ASIC2: variants seen among roughly 807,000 people sequenced by gnomAD.
ASIC2 encodes the protein acid sensing ion channel subunit 2, also known as acid-sensing ion channel 2.
Under a neutral mutation model 57.3 loss-of-function variants are expected in ASIC2, and 25 were observed. The observed-to-expected ratio is 0.44, with a 90% CI of 0.32 to 0.61. The LOEUF (loss-of-function observed/expected upper bound fraction) is 0.61. Ranked by LOEUF, ASIC2 falls within the 20% of genes least tolerant of loss-of-function variation. ASIC2 has a pLI of 0.06. For synonymous variants in ASIC2, 319 were observed against 307.5 expected, an observed-to-expected ratio of 1.04 and a Z score of -0.39; for missense variants, 641 against 738.1, an observed-to-expected ratio of 0.87 and a Z score of 1.52.
intron 3 of ASIC2, among the ~76,000 whole-genome samples, chr17:33,073,966 A>G (rs887979720): frequency 6.6e-6 from 1 of 152,116 alleles, no homozygotes; most frequent in Non-Finnish European, 1.5e-5. Context: ...AGAGAGAACA[A>G]CAGAGAGAAT....
chr17:34,136,895 A>G (rs536792285), intron 1 of ASIC2, among the ~76,000 whole-genome samples: 1 of 152,268 alleles, frequency 6.6e-6, no homozygotes, highest in South Asian at 2.1e-4. Flanking sequence ...TTGTCTCCCA[A>G]GCCCACATTT....
At chr17:34,040,086 T>TC (rs971154180) in intron 1 of ASIC2, among the ~76,000 whole-genome samples, 4 of 138,326 alleles carry the variant, frequency 2.9e-5, no homozygotes, top group Admixed American at 1.4e-4. Context: ...AGGCCGCAGA[T>TC]CCCCGGGCTC....
intron 1 of ASIC2, among the ~76,000 whole-genome samples, chr17:33,330,028 CT>C (rs1184437671): frequency 6.6e-6 from 1 of 152,172 alleles, no homozygotes; most frequent in Non-Finnish European, 1.5e-5. Context: ...CTCATCATGG[CT>C]CTGTATCTGG....
intron 1 of ASIC2, among the ~76,000 whole-genome samples, chr17:33,570,752 C>G (rs1283084896): frequency 1.3e-5 from 2 of 152,160 alleles, no homozygotes; most frequent in Non-Finnish European, 2.9e-5. Flanking sequence ...CCTGGATAGC[C>G]TTGCCCACGT....
Position 33,014,055 on chromosome 17 carries a change from G to C in ASIC2, c.1602C>G (p.Asp534Glu). 1 of 1,599,160 alleles carries C rather than the reference G, an allele frequency of 6.3e-7. No homozygotes were observed. The highest frequency in any genetic ancestry group is 8.5e-7 in the Non-Finnish European group (1 of 1,172,168). Residue 534 changes from aspartate (D) to glutamate (E), a missense_variant, in exon 10 of 10, where the codon GAC becomes GAG. This residue lies in a region of ASIC2 where 252 missense variants were observed against 319.8 expected (regional missense o/e 0.79). Coordinates refer to ENST00000225823, the MANE Select transcript of ASIC2 (RefSeq NM_183377.2). ...TGGTTTCAGAGTGGTTTGGCATTGTGTCACAAGTACTCTGGAAGGGAAGGG... is the reference window on the plus strand; with the variant it reads ...TGGTTTCAGAGTGGTTTGGCATTGTCTCACAAGTACTCTGGAAGGGAAGGG... ...GSHDENVSTC[D>E]TMPNHSETIS...
intron 1 of ASIC2, among the ~76,000 whole-genome samples, chr17:33,149,693 GA>G (rs891845276): frequency 2.1e-3 from 324 of 150,790 alleles, no homozygotes; most frequent in African/African-American, 7.4e-3. Flanking sequence ...CTTAAAAATT[GA>G]AAAAAAAATT....
intron 1 of ASIC2, among the ~76,000 whole-genome samples, chr17:34,033,571 CG>C (rs1344966518): frequency 6.6e-6 from 1 of 151,958 alleles, no homozygotes; most frequent in Non-Finnish European, 1.5e-5. Flanking sequence ...TTAATGAATC[CG>C]GGAGTTGCTT....
intron 1 of ASIC2, among the ~76,000 whole-genome samples, chr17:33,169,350 A>T (rs1259697658): frequency 6.6e-6 from 1 of 152,176 alleles, no homozygotes; most frequent in Non-Finnish European, 1.5e-5. Flanking sequence ...CCCATTGTCC[A>T]TGGTGCTTAG....
At chr17:34,083,784 AT>A (rs1909988741) in intron 1 of ASIC2, among the ~76,000 whole-genome samples, 2 of 152,142 alleles carry the variant, frequency 1.3e-5, no homozygotes, top group Admixed American at 1.3e-4. Context: ...GATGGTGAGC[AT>A]TTTTTCATGT....
chr17:33,043,198 T>C (rs191340148), intron 3 of ASIC2, among the ~76,000 whole-genome samples: 36 of 152,336 alleles, frequency 2.4e-4, no homozygotes, highest in Middle Eastern at 3.4e-3. Flanking sequence ...GTGCTGGGAT[T>C]ACAGGCGTGA....
chr17:33,373,568 T>G (rs563059275), intron 1 of ASIC2, among the ~76,000 whole-genome samples: 1 of 152,348 alleles, frequency 6.6e-6, no homozygotes, highest in Admixed American at 6.5e-5. Context: ...GTAGATGCAG[T>G]TTCTATAATC....
Position 34,148,507 on chromosome 17 carries a change from T to G in ASIC2, c.555+7471A>C, listed in dbSNP as rs1274471459. ...ATCCTAAGGAATATGAAAAATCATC[T>G]ATTTTGCATTAGTTACAATTTAGGC... On this transcript the variant is annotated intron_variant, in intron 1 of 9. Coordinates refer to the ASIC2 transcript ENST00000359872. Among the ~76,000 whole-genome samples, 5 of 152,342 alleles carry G rather than the reference T, an allele frequency of 3.3e-5. No homozygotes were observed. The South Asian group carries it at 1.0e-3, about 32-fold the overall frequency.
intron 1 of ASIC2, chr17:34,119,915 AAGCCTTGGTTAACC>A (rs1248217259): frequency 6.6e-6 from 1 of 152,156 alleles, no homozygotes; most frequent in Non-Finnish European, 1.5e-5. Context: ...TTAACATTCA[AAGCCTTGGTTAACC>A]AGCCAGAACC....
chr17:33,511,468 C>A (rs1381658029), intron 1 of ASIC2, among the ~76,000 whole-genome samples: 1 of 152,176 alleles, frequency 6.6e-6, no homozygotes, highest in Non-Finnish European at 1.5e-5. Context: ...ATTTCAATGA[C>A]TGGGCACCAC....
At chr17:33,610,054 G>GCACACACA (rs57533251) in intron 1 of ASIC2, among the ~76,000 whole-genome samples, 9,222 of 144,748 alleles carry the variant, frequency 0.064, 350 homozygotes, top group East Asian at 0.16. Flanking sequence ...GGACAGAGGC[G>GCACACACA]CACACACACA....
At chr17:33,581,258 T>C (rs1377870611) in intron 1 of ASIC2, 2 of 152,162 alleles carry the variant, frequency 1.3e-5, no homozygotes, top group Non-Finnish European at 2.9e-5. Flanking sequence ...AGCCAAGGAA[T>C]GCAAGCAGCC....
chr17:33,211,165 G>A lies in ASIC2; in HGVS notation c.708+80243C>T, dbSNP rs146184530. 4.8e-3 allele frequency among the ~76,000 whole-genome samples: 733 copies of A among 152,264 alleles called. 5 individuals are homozygous for A. Among genetic ancestry groups the A allele is most frequent in the Non-Finnish European group, 7.8e-3 (532 of 68,020 alleles). On this transcript the variant is annotated intron_variant, in intron 1 of 9. Coordinates refer to ENST00000225823, the MANE Select transcript of ASIC2 (RefSeq NM_183377.2). ...GGTGACGGATAGCATGTGTGACAGC[G>A]CAGAAGTGTGTGGCCCTTCCACGGA...
At chr17:33,532,192 G>A (rs1052154729) in intron 1 of ASIC2, among the ~76,000 whole-genome samples, 2 of 152,266 alleles carry the variant, frequency 1.3e-5, no homozygotes, top group Admixed American at 1.3e-4. Flanking sequence ...CTCGGCAAGC[G>A]CCTGATGCCT....
In ASIC2 at chr17:33,868,818, C is replaced by T. The variant is rs1367454095; in HGVS notation, c.555+287160G>A. On this transcript the variant is annotated intron_variant, in intron 1 of 9. Coordinates refer to the ASIC2 transcript ENST00000359872. ...GTGGCTCATACCTGTAATCCCACCACTTTGGGAGGCCAAGATGGGAGGATC... is the reference window on the plus strand; with the variant it reads ...GTGGCTCATACCTGTAATCCCACCATTTTGGGAGGCCAAGATGGGAGGATC... Among the ~76,000 whole-genome samples, 6 of 152,212 alleles carry T rather than the reference C, an allele frequency of 3.9e-5. No individual in the cohort carries two copies. The East Asian group carries it at 1.2e-3, about 29-fold the overall frequency.
Sources: gnomAD v4.1 joint callset for allele counts (sites outside exome capture counted in the v4.1 genomes callset) on GRCh38, gnomAD v4.1.1 for gene constraint, gnomAD v4.1.1 regional missense constraint, MANE v1.5 for transcripts, NCBI Gene and HGNC (gene_info 2026-07-23, HGNC 2026-07-21) for gene names.